The following SPON1 variants were observed in gnomAD, a reference collection of about 807,000 sequenced individuals.
The protein encoded by SPON1 is spondin-1.
Under a neutral mutation model 111.7 loss-of-function variants are expected in SPON1, and 52 were observed. The observed-to-expected ratio is 0.47, with a 90% CI of 0.37 to 0.59. The LOEUF is 0.59. Ranked by LOEUF, SPON1 falls within the 20% of genes least tolerant of loss-of-function variation. The probability of loss-of-function intolerance (pLI) is 0.00; values close to 1 mark genes in which losing one functional copy is unlikely to be tolerated. For synonymous variants in SPON1, 410 were observed against 395.8 expected, an observed-to-expected ratio of 1.04 and a Z score of -0.43; for missense variants, 957 against 1,068.5, an observed-to-expected ratio of 0.90 and a Z score of 1.46.
intron 14 of SPON1, 99 bp downstream of exon 14, chr11:14,260,851 A>ATGG: frequency 3.0e-6 from 4 of 1,328,876 alleles, no homozygotes; most frequent in Non-Finnish European, 4.1e-6. Flanking sequence ...CTAGAATAAC[A>ATGG]TGGTTTGCTG....
At chr11:14,051,063 G>A (rs1189231616) in intron 3 of SPON1, among the ~76,000 whole-genome samples, 1 of 152,186 alleles carries the variant, frequency 6.6e-6, no homozygotes, top group African/African-American at 2.4e-5. Flanking sequence ...GAGTTGTGCT[G>A]AGAGGATGTG....
At chr11:13,985,480 T>A (rs781925588) in intron 2 of SPON1, among the ~76,000 whole-genome samples, 21 of 152,118 alleles carry the variant, frequency 1.4e-4, no homozygotes, top group Non-Finnish European at 2.8e-4. Flanking sequence ...TAAGTAACTT[T>A]CCTAAGATGC....
intron 6 of SPON1, among the ~76,000 whole-genome samples, chr11:14,213,758 G>A (rs11822800): frequency 0.076 from 11,520 of 152,212 alleles, 580 homozygotes; most frequent in East Asian, 0.17. Flanking sequence ...CATAAGCCAC[G>A]CTGTACTGAA....
intron 6 of SPON1, among the ~76,000 whole-genome samples, chr11:14,171,545 G>T (rs1370469335): frequency 2.6e-5 from 4 of 152,102 alleles, no homozygotes; most frequent in African/African-American, 9.7e-5. Context: ...TTTTGAATGT[G>T]TTTGCTCTTG....
At chr11:13,986,789 C>T (rs1848188716) in intron 2 of SPON1, among the ~76,000 whole-genome samples, 2 of 152,086 alleles carry the variant, frequency 1.3e-5, no homozygotes, top group African/African-American at 4.8e-5. Flanking sequence ...GTTCAACTCC[C>T]ACTTATGAGT....
At chr11:14,241,028 A>C (rs1022253752) in intron 6 of SPON1, among the ~76,000 whole-genome samples, 18 of 152,138 alleles carry the variant, frequency 1.2e-4, no homozygotes, top group South Asian at 4.1e-4. Context: ...ACAGAACAAG[A>C]TATTCAGTAT....
chr11:14,118,283 C>T (rs1225619301), intron 5 of SPON1, among the ~76,000 whole-genome samples: 1 of 152,202 alleles, frequency 6.6e-6, no homozygotes, highest in Non-Finnish European at 1.5e-5. Context: ...TGGAGTATTA[C>T]ACATTTGGAA....
At position 14,254,557 on chromosome 11, in the gene SPON1, T is replaced by G. The variant is rs1300139090; in HGVS notation, c.920T>G (p.Val307Gly). The G allele has an allele frequency of 6.2e-7, 1 of 1,609,970 alleles. No homozygotes were observed. Among genetic ancestry groups the G allele is most frequent in the Non-Finnish European group, 8.5e-7 (1 of 1,177,890 alleles). ...GCAGCACCTTCAGCTGAATTTTCCG[T>G]GGACAGAACGCGCCATTTAATGTCC... Reference protein sequence around the residue: ...VRAAPSAEFSVDRTRHLMSFL... With the variant: ...VRAAPSAEFSGDRTRHLMSFL... Residue 307 changes from valine (V) to glycine (G), a missense_variant, in exon 8 of 16, where the codon GTG (valine) becomes GGG (glycine). Physicochemically the swap from Val to Gly is moderately radical, Grantham distance 109. This residue lies in a region of SPON1 where 122 missense variants were observed against 143.2 expected (regional missense o/e 0.85). Coordinates refer to ENST00000576479, the MANE Select transcript of SPON1 (RefSeq NM_006108.4).
intron 15 of SPON1, among the ~76,000 whole-genome samples, chr11:14,263,738 T>C (rs543581822): frequency 1.1e-3 from 172 of 152,148 alleles, no homozygotes; most frequent in African/African-American, 3.9e-3. Context: ...CTTAGAAAAG[T>C]ACATTCCAGG....
rs782645549 is a variant in SPON1, at chr11:14,266,323, A to AAAAT, written c.*649_*652dup. On this transcript the variant is annotated 3_prime_UTR_variant, in exon 16 of 16. Transcript: ENST00000576479. ...ATTGGTTCCTGATGCCCCCCCAACA[A>AAAAT]AAATAAATAAATAAATTATGGCTGC... 1 of 151,980 alleles carries AAAAT rather than the reference A, an allele frequency of 6.6e-6. No individual in the cohort carries two copies. The highest frequency in any genetic ancestry group is 6.5e-5 in the Admixed American group (1 of 15,272). The allele number at this position is 151,980 out of a possible 1,614,324, so 9.4% of individuals were successfully genotyped here.
At position 13,971,057 on chromosome 11, in the gene SPON1, G is replaced by C. The variant is rs570987489; in HGVS notation, c.238+7915G>C. ...TGGTGTGAGCTCTCTAAGAGAGCTG[G>C]ATGGAGGAAGGGGAAGGTATTTCTC... On this transcript the variant is annotated intron_variant, in intron 1 of 15. Transcript: ENST00000576479. Among the ~76,000 whole-genome samples, 4 of 152,324 alleles carry C rather than the reference G, an allele frequency of 2.6e-5. No individual in the cohort carries two copies. The South Asian group carries it at 8.3e-4, about 32-fold the overall frequency.
At chr11:14,069,954 T>A (rs1554920745) in intron 3 of SPON1, among the ~76,000 whole-genome samples, 1 of 152,174 alleles carries the variant, frequency 6.6e-6, no homozygotes, top group Non-Finnish European at 1.5e-5. Context: ...TGTTAACTCT[T>A]GAACATACCT....
chr11:14,009,515 G>A (rs539010283), intron 2 of SPON1, among the ~76,000 whole-genome samples: 1 of 152,214 alleles, frequency 6.6e-6, no homozygotes, highest in Admixed American at 6.5e-5. Context: ...TCTTTCCTTA[G>A]CACCATTATA....
At chr11:14,205,293 G>A (rs1554936076) in intron 6 of SPON1, among the ~76,000 whole-genome samples, 1 of 152,146 alleles carries the variant, frequency 6.6e-6, no homozygotes, top group Non-Finnish European at 1.5e-5. Flanking sequence ...GGATCAGTCT[G>A]CACACTCATA....
intron 1 of SPON1, among the ~76,000 whole-genome samples, chr11:13,964,014 G>A (rs560135547): frequency 3.3e-5 from 5 of 152,120 alleles, no homozygotes; most frequent in Non-Finnish European, 7.4e-5. Context: ...GGTTTCGGGA[G>A]CTCAGGGAGG....
intron 2 of SPON1, among the ~76,000 whole-genome samples, chr11:13,993,018 C>T (rs782099709): frequency 3.9e-5 from 6 of 152,064 alleles, no homozygotes; most frequent in Non-Finnish European, 7.4e-5. Context: ...GCCAGCCTCC[C>T]CTAAATATTC....
chr11:13,982,583 G>C (rs1284386496), intron 1 of SPON1, among the ~76,000 whole-genome samples: 2 of 152,164 alleles, frequency 1.3e-5, no homozygotes, highest in Non-Finnish European at 2.9e-5. Context: ...TGGTTATTGG[G>C]AGAGAGCTCA....
chr11:14,066,723 G>C (rs1554920383), intron 3 of SPON1, among the ~76,000 whole-genome samples: 1 of 152,038 alleles, frequency 6.6e-6, no homozygotes, highest in African/African-American at 2.4e-5. Flanking sequence ...TTCCTTTACA[G>C]CCACATCTCT....
At chr11:14,024,005 G>GA (rs61433514) in intron 2 of SPON1, among the ~76,000 whole-genome samples, 141,416 of 145,234 alleles carry the variant, frequency 0.97, 68,902 homozygotes, top group South Asian at 1. Context: ...CCATCTCAAA[G>GA]AAAAAAAAAA....
Sources: allele counts gnomAD v4.1 joint callset (sites outside exome capture counted in the v4.1 genomes callset), GRCh38; gene constraint gnomAD v4.1.1; regional missense constraint gnomAD v4.1.1; transcripts MANE v1.5; gene names NCBI Gene and HGNC (gene_info 2026-07-23, HGNC 2026-07-21).